Variants in PLXDC2 observed in about 807,000 individuals in gnomAD.
PLXDC2 encodes plexin domain-containing protein 2.
Under a neutral mutation model 68.9 loss-of-function variants are expected in PLXDC2, and 40 were observed. That is an observed-to-expected ratio of 0.58 (90% CI 0.45 to 0.76). The LOEUF (loss-of-function observed/expected upper bound fraction) is 0.76. PLXDC2 is among the 30% of genes least tolerant of loss of function. PLXDC2 has a pLI of 0.00. For missense variants in PLXDC2, 644 were observed against 661.9 expected (o/e 0.97, Z 0.30); for synonymous variants, 243 against 234.2 (o/e 1.04, Z -0.34).
At chr10:19,993,197 C>G (rs894545890) in intron 1 of PLXDC2, among the ~76,000 whole-genome samples, 1 of 151,982 alleles carries the variant, frequency 6.6e-6, no homozygotes, top group East Asian at 1.9e-4. Flanking sequence ...CAGTTTTATT[C>G]TATTTATTTT....
intron 1 of PLXDC2, among the ~76,000 whole-genome samples, chr10:19,850,495 G>T (rs1013120881): frequency 2.0e-5 from 3 of 152,000 alleles, no homozygotes; most frequent in African/African-American, 7.3e-5. Flanking sequence ...ATAATTAAAA[G>T]GCAAAATGCA....
intron 1 of PLXDC2, among the ~76,000 whole-genome samples, chr10:19,821,475 T>C (rs2131994464): frequency 6.6e-6 from 1 of 152,388 alleles, no homozygotes; most frequent in South Asian, 2.1e-4. Context: ...TTTCCTTTTC[T>C]TTCCATTTCT....
At chr10:20,133,426 G>T (rs1833894137) in intron 4 of PLXDC2, among the ~76,000 whole-genome samples, 1 of 152,104 alleles carries the variant, frequency 6.6e-6, no homozygotes, top group Admixed American at 6.5e-5. Context: ...GTTTGTCTGG[G>T]AAATTCTGTC....
intron 13 of PLXDC2, among the ~76,000 whole-genome samples, chr10:20,253,370 GATA>G (rs3051539): frequency 0.46 from 66,285 of 145,408 alleles, 16,284 homozygotes; most frequent in Middle Eastern, 0.61. Context: ...GTCTCAAAAT[GATA>G]ATAATAATAA....
intron 1 of PLXDC2, among the ~76,000 whole-genome samples, chr10:19,879,224 A>G (rs923063230): frequency 1.3e-5 from 2 of 152,344 alleles, no homozygotes; most frequent in East Asian, 3.9e-4. Context: ...TACCCTAAAG[A>G]AGAAAATGTG....
At chr10:20,275,604 C>T (rs964329047) in intron 13 of PLXDC2, among the ~76,000 whole-genome samples, 7 of 152,176 alleles carry the variant, frequency 4.6e-5, no homozygotes, top group African/African-American at 7.2e-5. Flanking sequence ...AAAGAGTCCA[C>T]GGCTTAAAAA....
chr10:20,097,223 C>T (rs150227028), intron 4 of PLXDC2, among the ~76,000 whole-genome samples: 4 of 152,200 alleles, frequency 2.6e-5, no homozygotes, highest in Admixed American at 6.5e-5. Context: ...CATTTGAATC[C>T]GGAGACACTG....
At chr10:20,047,064 A>T (rs779227538) in intron 3 of PLXDC2, 49 bp downstream of exon 3, 3 of 1,511,484 alleles carry the variant, frequency 2.0e-6, no homozygotes, top group Non-Finnish European at 1.8e-6. Flanking sequence ...TGAAAAAATA[A>T]TTGCTTTAAT....
chr10:20,165,158 T>C (rs1290009172), intron 7 of PLXDC2, among the ~76,000 whole-genome samples: 2 of 152,188 alleles, frequency 1.3e-5, no homozygotes, highest in Admixed American at 6.5e-5. Context: ...ACAGTTCTTT[T>C]ATTAATGAGA....
intron 12 of PLXDC2, among the ~76,000 whole-genome samples, chr10:20,222,933 C>T (rs1019434680): frequency 2.6e-5 from 4 of 151,844 alleles, no homozygotes; most frequent in South Asian, 2.1e-4. Flanking sequence ...TAGAGTAATA[C>T]GTAGGTATAA....
At chr10:20,109,932 A>G (rs1833537258) in intron 4 of PLXDC2, among the ~76,000 whole-genome samples, 2 of 152,214 alleles carry the variant, frequency 1.3e-5, no homozygotes, top group Non-Finnish European at 2.9e-5. Flanking sequence ...TCTCATTCCC[A>G]AGCATTCACG....
At chr10:20,210,958 C>T (rs942081518) in intron 9 of PLXDC2, among the ~76,000 whole-genome samples, 3 of 151,984 alleles carry the variant, frequency 2.0e-5, no homozygotes, top group Admixed American at 1.3e-4. Context: ...GTCAGCTCTC[C>T]CCAGGGTCAA....
At chr10:20,230,868 A>T (rs1002658664) in intron 12 of PLXDC2, among the ~76,000 whole-genome samples, 12 of 150,924 alleles carry the variant, frequency 8.0e-5, no homozygotes, top group Non-Finnish European at 1.5e-4. Flanking sequence ...TCAAGTTCAC[A>T]TGAAACGGTC....
chr10:20,225,374 AT>A (rs571403910), intron 12 of PLXDC2, among the ~76,000 whole-genome samples: 3 of 151,716 alleles, frequency 2.0e-5, no homozygotes, highest in African/African-American at 4.8e-5. Flanking sequence ...CTTTTTGTTG[AT>A]TTTTTTTGTA....
At chr10:20,084,919 A>G (rs1833168950) in intron 4 of PLXDC2, among the ~76,000 whole-genome samples, 1 of 151,998 alleles carries the variant, frequency 6.6e-6, no homozygotes, top group South Asian at 2.1e-4. Context: ...GGTTCTGGAA[A>G]AGTATCCCTA....
chr10:20,031,024 C>G (rs1353992041), intron 2 of PLXDC2, among the ~76,000 whole-genome samples: 1 of 152,150 alleles, frequency 6.6e-6, no homozygotes, highest in Admixed American at 6.5e-5. Flanking sequence ...CCAGGCCCAG[C>G]TGACATACCA....
At chr10:20,210,797 A>T (rs983653674) in intron 9 of PLXDC2, among the ~76,000 whole-genome samples, 1 of 152,206 alleles carries the variant, frequency 6.6e-6, no homozygotes. Flanking sequence ...AATTGCACAG[A>T]TGATACTTAA....
intron 1 of PLXDC2, among the ~76,000 whole-genome samples, chr10:19,869,705 GAA>G (rs751813027): frequency 9.5e-4 from 144 of 152,032 alleles, no homozygotes; most frequent in Non-Finnish European, 1.6e-3. Flanking sequence ...TTAATTATCT[GAA>G]GTGTTTTATT....
At chr10:20,073,404 A>G (rs1836374576) in intron 4 of PLXDC2, among the ~76,000 whole-genome samples, 1 of 152,234 alleles carries the variant, frequency 6.6e-6, no homozygotes, top group African/African-American at 2.4e-5. Context: ...GTTTAACAAT[A>G]TAGACATATA....
Sources: gnomAD v4.1 joint callset for allele counts (sites outside exome capture counted in the v4.1 genomes callset) on GRCh38, gnomAD v4.1.1 for gene constraint, MANE v1.5 for transcripts, NCBI Gene and HGNC (gene_info 2026-07-23, HGNC 2026-07-21) for gene names.